Variants in RASAL2 observed in about 807,000 individuals in gnomAD.
RASAL2 encodes ras GTPase-activating protein nGAP.
In RASAL2, 58 loss-of-function variants were observed where a neutral mutation model predicts 128.9. That is an observed-to-expected ratio of 0.45 (90% CI 0.36 to 0.56). The LOEUF is 0.56. RASAL2 is among the 20% of genes least tolerant of loss of function. The probability of loss-of-function intolerance (pLI) is 0.00; values close to 1 mark genes in which losing one functional copy is unlikely to be tolerated. For missense variants in RASAL2, 1,360 were observed against 1,601.6 expected (o/e 0.85, Z 2.57); for synonymous variants, 561 against 580.8 (o/e 0.97, Z 0.49).
chr1:178,305,299 A>G (rs910083930), intron 3 of RASAL2, among the ~76,000 whole-genome samples: 3 of 152,150 alleles, frequency 2.0e-5, no homozygotes, highest in Admixed American at 2.0e-4. Context: ...AAAAAACAAT[A>G]CTAAAATTTA....
rs1436734748 is a variant in RASAL2, at chr1:178,454,564, A to T, written c.2127A>T (p.Pro709=). The T allele has an allele frequency of 1.9e-6, 3 of 1,613,846 alleles. No individual in the cohort carries two copies. Among genetic ancestry groups the T allele is most frequent in the Non-Finnish European group, 2.5e-6 (3 of 1,179,850 alleles). The part of the protein sequence containing the change: ...ISNPDTISNT[P]GFDGYIDLGR... The stretch of plus-strand genomic sequence containing the variant: ...ATCCAGACACCATCTCAAACACCCC[A>T]GGCTTTGATGGTTACATTGATCTGG... Residue 709 remains proline, a synonymous_variant, in exon 12 of 18, where the codon CCA becomes CCT. Transcript: ENST00000367649.
At position 178,266,505 on chromosome 1, in the gene RASAL2, G is replaced by A. The variant is rs1016084975; in HGVS notation, c.203-17059G>A. On this transcript the variant is annotated intron_variant, in intron 1 of 17. Coordinates refer to ENST00000367649, the MANE Select transcript of RASAL2 (RefSeq NM_170692.4). The stretch of plus-strand genomic sequence containing the variant: ...ATTCATTTTGATACGGCTCCAATGA[G>A]TGGAGGAACACCAGGGCTCTTGTCT... 3.9e-5 allele frequency among the ~76,000 whole-genome samples: 6 copies of A among 152,304 alleles called. No homozygotes were observed. In the East Asian group the frequency reaches 1.2e-3, roughly 29 times the overall value.
At chr1:178,371,914 T>C (rs1671739218) in intron 3 of RASAL2, among the ~76,000 whole-genome samples, 1 of 152,174 alleles carries the variant, frequency 6.6e-6, no homozygotes, top group Non-Finnish European at 1.5e-5. Context: ...TTCCTGTCAT[T>C]AAACACACTT....
chr1:178,257,233 T>G (rs918114141), intron 1 of RASAL2, among the ~76,000 whole-genome samples: 2 of 152,200 alleles, frequency 1.3e-5, no homozygotes, highest in Non-Finnish European at 2.9e-5. Flanking sequence ...ATACAATCCC[T>G]GTCAGAATCC....
intron 1 of RASAL2, among the ~76,000 whole-genome samples, chr1:178,121,238 T>C (rs1659706309): frequency 6.6e-6 from 1 of 152,194 alleles, no homozygotes; most frequent in African/African-American, 2.4e-5. Flanking sequence ...TCTCTTAATG[T>C]TTCCTTTCAA....
intron 1 of RASAL2, among the ~76,000 whole-genome samples, chr1:178,135,640 A>G (rs535710363): frequency 6.6e-6 from 1 of 152,264 alleles, no homozygotes; most frequent in East Asian, 1.9e-4. Context: ...CATTTTACAT[A>G]TACTATTGTA....
intron 7 of RASAL2, among the ~76,000 whole-genome samples, chr1:178,441,994 CGA>C (rs897774012): frequency 3.3e-5 from 5 of 151,674 alleles, no homozygotes; most frequent in African/African-American, 9.7e-5. Flanking sequence ...CAGGAGCAAG[CGA>C]GAGAGAGAGT....
chr1:178,167,260 A>T (rs1256168085), intron 1 of RASAL2, among the ~76,000 whole-genome samples: 1 of 152,264 alleles, frequency 6.6e-6, no homozygotes, highest in Admixed American at 6.6e-5. Flanking sequence ...AGACAGACAG[A>T]TAAAGCAGTA....
rs199970455 is a variant in RASAL2, at chr1:178,456,929, C to T, written c.2390+30C>T. 3.1e-4 allele frequency: 489 copies of T among 1,590,066 alleles called. 2 individuals are homozygous for T. In the African/African-American group the frequency reaches 5.7e-3, roughly 18 times the overall value. On this transcript the variant is annotated intron_variant, in intron 13 of 17. Coordinates refer to ENST00000367649, the MANE Select transcript of RASAL2 (RefSeq NM_170692.4). ...GAAAGAGAGAATTTGACCACTATCT[C>T]GGAGAAACATAATGTTTAGATTTAG...
chr1:178,113,821 A>G (rs1362556864), intron 1 of RASAL2, among the ~76,000 whole-genome samples: 1 of 152,158 alleles, frequency 6.6e-6, no homozygotes, highest in African/African-American at 2.4e-5. Flanking sequence ...TGGGAGCACA[A>G]TACATTTCTT....
chr1:178,432,150 T>A (rs1039306008), intron 5 of RASAL2, among the ~76,000 whole-genome samples: 20 of 152,062 alleles, frequency 1.3e-4, no homozygotes, highest in African/African-American at 3.4e-4. Context: ...TTAATTTTTT[T>A]AAAAAACCTG....
chr1:178,285,270 G>A (rs1666972169), intron 2 of RASAL2, among the ~76,000 whole-genome samples: 1 of 151,296 alleles, frequency 6.6e-6, no homozygotes, highest in African/African-American at 2.4e-5. Flanking sequence ...ACAGGCGCCC[G>A]CCACCGCGCC....
intron 5 of RASAL2, among the ~76,000 whole-genome samples, chr1:178,421,190 T>A (rs1453613657): frequency 6.6e-6 from 1 of 152,118 alleles, no homozygotes; most frequent in Non-Finnish European, 1.5e-5. Flanking sequence ...ATGTTCTGTA[T>A]GTATAGCATA....
Position 178,207,942 on chromosome 1 carries a change from C to T in RASAL2, c.203-75622C>T, listed in dbSNP as rs189474937. The stretch of plus-strand genomic sequence containing the variant: ...ACCCCAAACGGACTGGCTGGAGCCA[C>T]GGCAGAGGAATATGAATTGTGAAGA... On this transcript the variant is annotated intron_variant, in intron 1 of 17. Coordinates refer to ENST00000367649, the MANE Select transcript of RASAL2 (RefSeq NM_170692.4). 2.6e-4 allele frequency among the ~76,000 whole-genome samples: 40 copies of T among 152,230 alleles called. No homozygotes were observed. In the East Asian group the frequency reaches 5.8e-3, roughly 22 times the overall value.
chr1:178,358,881 A>G (rs1423372347), intron 3 of RASAL2, among the ~76,000 whole-genome samples: 2 of 152,230 alleles, frequency 1.3e-5, no homozygotes, highest in Non-Finnish European at 2.9e-5. Flanking sequence ...AGGAAATACA[A>G]TATACTTCAA....
intron 1 of RASAL2, among the ~76,000 whole-genome samples, chr1:178,223,944 A>G (rs1324754786): frequency 2.0e-5 from 3 of 152,222 alleles, no homozygotes; most frequent in Non-Finnish European, 4.4e-5. Context: ...CAGATTTTAA[A>G]AGAAAGATCA....
chr1:178,358,778 A>G (rs1447667857), intron 3 of RASAL2, among the ~76,000 whole-genome samples: 1 of 152,172 alleles, frequency 6.6e-6, no homozygotes, highest in South Asian at 2.1e-4. Context: ...ATTCCTATGT[A>G]TATACCAAAG....
At chr1:178,194,343 T>G (rs969740942) in intron 1 of RASAL2, 1 of 225,700 alleles carries the variant, frequency 4.4e-6, no homozygotes, top group Non-Finnish European at 9.9e-6. Context: ...TGCCTTCACT[T>G]AAACTCTCTC....
intron 1 of RASAL2, among the ~76,000 whole-genome samples, chr1:178,262,014 C>T (rs1665721294): frequency 6.6e-6 from 1 of 151,872 alleles, no homozygotes; most frequent in Non-Finnish European, 1.5e-5. Context: ...TTGAGAGTCT[C>T]TCTATTAGGG....
Sources: gnomAD v4.1 joint callset for allele counts (sites outside exome capture counted in the v4.1 genomes callset) on GRCh38, gnomAD v4.1.1 for gene constraint, MANE v1.5 for transcripts, NCBI Gene and HGNC (gene_info 2026-07-23, HGNC 2026-07-21) for gene names.